Variants in SS18 observed in about 807,000 individuals in gnomAD.
SS18 encodes SS18 subunit of BAF chromatin remodeling complex.
A neutral mutation model predicts 72.5 loss-of-function variants in SS18; 28 were observed. The ratio of observed to expected loss-of-function variants is 0.39; its 90% confidence interval spans 0.29 to 0.53. The LOEUF (loss-of-function observed/expected upper bound fraction) is 0.53, where lower values mean the gene tolerates loss of function less well. SS18 is among the 20% of genes least tolerant of loss of function. The pLI, the probability that SS18 is intolerant of heterozygous loss-of-function variation, is 0.76. For synonymous variants in SS18, 172 were observed against 164.2 expected, an observed-to-expected ratio of 1.05 and a Z score of -0.37; for missense variants, 518 against 535.3, an observed-to-expected ratio of 0.97 and a Z score of 0.32.
intron 2 of SS18, chr18:26,081,105 A>AG (rs2054513397): frequency 6.6e-6 from 1 of 151,968 alleles, no homozygotes; most frequent in East Asian, 1.9e-4. Flanking sequence ...AAAAAAAAAA[A>AG]AAAAAAAAAT....
At chr18:26,084,914 T>A (rs1006600305) in intron 2 of SS18, among the ~76,000 whole-genome samples, 14 of 152,178 alleles carry the variant, frequency 9.2e-5, no homozygotes, top group Non-Finnish European at 1.8e-4. Context: ...TATTAGATAA[T>A]AGTATTGCAT....
chr18:26,039,459 GA>G lies in SS18; in HGVS notation c.608-4del. On this transcript the variant is annotated splice_region_variant and splice_polypyrimidine_tract_variant and intron_variant, in intron 5 of 10. Coordinates refer to ENST00000415083, the MANE Select transcript of SS18 (RefSeq NM_001007559.3). ...AGGCTGCTGATGCATCATTGGACCTGAAACAAGACACAACATTATACACATA... is the reference window on the plus strand; with the variant it reads ...AGGCTGCTGATGCATCATTGGACCTGAACAAGACACAACATTATACACATA... 1 of 1,612,120 alleles carries G rather than the reference GA, an allele frequency of 6.2e-7. No homozygotes were observed. The highest frequency in any genetic ancestry group is 8.5e-7 in the Non-Finnish European group (1 of 1,178,832).
intron 1 of SS18, chr18:26,089,773 C>G (rs2054682893): frequency 6.6e-6 from 1 of 152,286 alleles, no homozygotes; most frequent in Admixed American, 6.5e-5. Flanking sequence ...CTGGTCACGA[C>G]AGTCTCCACC....
At chr18:26,077,743 G>A (rs928877063) in intron 3 of SS18, among the ~76,000 whole-genome samples, 1 of 152,114 alleles carries the variant, frequency 6.6e-6, no homozygotes, top group Non-Finnish European at 1.5e-5. Flanking sequence ...GATGCATATG[G>A]AAATACAGTA....
At chr18:26,028,990 G>C (rs2053499083) in intron 10 of SS18, among the ~76,000 whole-genome samples, 1 of 152,206 alleles carries the variant, frequency 6.6e-6, no homozygotes, top group Non-Finnish European at 1.5e-5. Context: ...AGGGTGTTAT[G>C]TCTTACTTAG....
chr18:26,039,184 A>G (rs34118988), intron 6 of SS18, 105 bp downstream of exon 6: 130 of 877,088 alleles, frequency 1.5e-4, no homozygotes, highest in Non-Finnish European at 1.5e-4. Context: ...AAAAAAAAAA[A>G]AAAAAAAAAA....
chr18:26,048,651 G>A (rs2053871389), intron 5 of SS18, among the ~76,000 whole-genome samples: 1 of 152,098 alleles, frequency 6.6e-6, no homozygotes, highest in Non-Finnish European at 1.5e-5. Flanking sequence ...AACAGTTTAG[G>A]TACTGAAAGA....
chr18:26,076,993 A>G (rs1324314770), intron 3 of SS18, among the ~76,000 whole-genome samples: 1 of 152,008 alleles, frequency 6.6e-6, no homozygotes, highest in African/African-American at 2.4e-5. Context: ...ATAACCAAAT[A>G]TTTAATGAAA....
intron 4 of SS18, among the ~76,000 whole-genome samples, chr18:26,056,842 C>G (rs1029288306): frequency 6.6e-6 from 1 of 152,102 alleles, no homozygotes; most frequent in African/African-American, 2.4e-5. Context: ...TGGGTTGATG[C>G]TACTGTTACA....
Position 26,039,300 on chromosome 18 carries a change from G to A in SS18, c.764C>T (p.Pro255Leu), listed in dbSNP as rs776358133. ...AAATGGAATCTTACCCTGTTGAGGAGGTCTATAGGGAGGAATCTGTCTCTG... is the reference window on the plus strand; with the variant it reads ...AAATGGAATCTTACCCTGTTGAGGAAGTCTATAGGGAGGAATCTGTCTCTG... ...MGQRQIPPYR[P>L]PQQGPPQQYS... Residue 255 changes from proline to leucine, a missense_variant, in exon 6 of 11, where the codon CCT becomes CTT. By Grantham distance (98) the Pro-to-Leu change is moderately conservative. Transcript: ENST00000415083. 1 of 1,612,642 alleles carries A rather than the reference G, an allele frequency of 6.2e-7. No individual in the cohort carries two copies. The highest frequency in any genetic ancestry group is 1.1e-5 in the South Asian group (1 of 90,904).
chr18:26,036,941 G>A (rs1298355989), intron 7 of SS18, among the ~76,000 whole-genome samples: 2 of 152,124 alleles, frequency 1.3e-5, no homozygotes, highest in Middle Eastern at 3.4e-3. Context: ...TAAGAGTTCA[G>A]TAGCTGAGAC....
At chr18:26,051,705 G>C (rs2053927193) in intron 5 of SS18, among the ~76,000 whole-genome samples, 2 of 152,108 alleles carry the variant, frequency 1.3e-5, no homozygotes, top group South Asian at 2.1e-4. Flanking sequence ...AACTTTGGGG[G>C]AAAAAAATGT....
intron 2 of SS18, among the ~76,000 whole-genome samples, chr18:26,086,215 A>G (rs1489189519): frequency 6.6e-6 from 1 of 152,212 alleles, no homozygotes; most frequent in Non-Finnish European, 1.5e-5. Context: ...ACACCATTTT[A>G]TATCAGGGAC....
chr18:26,064,526 TC>T (rs1215279431), intron 3 of SS18, among the ~76,000 whole-genome samples: 3 of 149,128 alleles, frequency 2.0e-5, no homozygotes, highest in Non-Finnish European at 2.9e-5. Context: ...ATCCATATAA[TC>T]ATCTCAACAG....
chr18:26,078,053 C>T, intron 3 of SS18, 23 bp downstream of exon 3: 1 of 1,552,128 alleles, frequency 6.4e-7, no homozygotes, highest in Non-Finnish European at 8.9e-7. Context: ...TTGTCTACTT[C>T]ACATGATTTT....
At chr18:26,062,158 G>A (rs2054135127) in intron 3 of SS18, among the ~76,000 whole-genome samples, 1 of 152,122 alleles carries the variant, frequency 6.6e-6, no homozygotes. Context: ...TAACTCGAGA[G>A]GCTGAGACAG....
At position 26,075,200 on chromosome 18, in the gene SS18, G is replaced by A. The variant is rs557532215; in HGVS notation, c.231+2876C>T. Among the ~76,000 whole-genome samples, 5 of 151,778 alleles carry A rather than the reference G, an allele frequency of 3.3e-5. No homozygotes were observed. The South Asian group carries it at 1.0e-3, about 31-fold the overall frequency. On this transcript the variant is annotated intron_variant, in intron 3 of 10. Coordinates refer to ENST00000415083, the MANE Select transcript of SS18 (RefSeq NM_001007559.3). ...AAATTCTTCTGGATAAGAAAAAGTAGAAAATTCTCCAGCTCCTTTTATAAA... is the reference window on the plus strand; with the variant it reads ...AAATTCTTCTGGATAAGAAAAAGTAAAAAATTCTCCAGCTCCTTTTATAAA...
At chr18:26,046,832 G>A (rs77746506) in intron 5 of SS18, among the ~76,000 whole-genome samples, 300 of 152,288 alleles carry the variant, frequency 2.0e-3, no homozygotes, top group African/African-American at 7.1e-3. Context: ...GATGCACAGT[G>A]ACCAATCACT....
chr18:26,081,296 T>C, intron 2 of SS18: 1 of 152,374 alleles, frequency 6.6e-6, no homozygotes, highest in African/African-American at 2.4e-5. Flanking sequence ...GTTCAAGTGA[T>C]TCTCCTGCCT....
Sources: allele counts gnomAD v4.1 joint callset (sites outside exome capture counted in the v4.1 genomes callset), GRCh38; gene constraint gnomAD v4.1.1; transcripts MANE v1.5; gene names NCBI Gene and HGNC (gene_info 2026-07-23, HGNC 2026-07-21).